SUPT3H: variants seen among roughly 807,000 people sequenced by gnomAD.
SUPT3H encodes SPT3 homolog, SAGA and STAGA complex component, also known as transcription initiation protein SPT3 homolog.
Under a neutral mutation model 44.3 loss-of-function variants are expected in SUPT3H, and 44 were observed. The observed-to-expected ratio is 0.99, with a 90% CI of 0.78 to 1.28. The LOEUF is 1.28. Ranked by LOEUF, SUPT3H falls within the 50% of genes most tolerant of loss-of-function variation. The pLI is 0.00. For synonymous variants in SUPT3H, 124 were observed against 125.6 expected, an observed-to-expected ratio of 0.99 and a Z score of 0.09; for missense variants, 380 against 387.1, an observed-to-expected ratio of 0.98 and a Z score of 0.15.
At chr6:44,888,700 T>C (rs1762757717) in intron 10 of SUPT3H, among the ~76,000 whole-genome samples, 2 of 151,886 alleles carry the variant, frequency 1.3e-5, no homozygotes, top group South Asian at 4.2e-4. Context: ...CTTTGAAAAC[T>C]GGCACAAGAC....
intron 10 of SUPT3H, among the ~76,000 whole-genome samples, chr6:44,886,924 T>G (rs1762394487): frequency 1.3e-5 from 2 of 152,082 alleles, no homozygotes; most frequent in Admixed American, 6.5e-5. Context: ...TGGAGGAAGA[T>G]CTACCAAGCT....
At chr6:44,876,381 T>C (rs1266460735) in intron 10 of SUPT3H, among the ~76,000 whole-genome samples, 2 of 92,244 alleles carry the variant, frequency 2.2e-5, no homozygotes, top group African/African-American at 4.1e-5. Flanking sequence ...GAAACCATCA[T>C]TCTCAGTAAA....
chr6:45,105,273 C>T (rs774098070), intron 3 of SUPT3H, among the ~76,000 whole-genome samples: 2 of 151,932 alleles, frequency 1.3e-5, no homozygotes, highest in African/African-American at 2.4e-5. Flanking sequence ...TATGAATGAG[C>T]TAAATGTAAA....
At chr6:45,173,541 T>C (rs968834824) in intron 2 of SUPT3H, among the ~76,000 whole-genome samples, 3 of 152,344 alleles carry the variant, frequency 2.0e-5, no homozygotes, top group Admixed American at 1.3e-4. Context: ...CTGATCTCTT[T>C]TTCCTAAGAA....
At chr6:45,324,189 G>C (rs1334494015) in intron 2 of SUPT3H, among the ~76,000 whole-genome samples, 1 of 151,812 alleles carries the variant, frequency 6.6e-6, no homozygotes, top group Non-Finnish European at 1.5e-5. Context: ...TACTTATACA[G>C]CTACATTAAA....
chr6:44,882,731 T>G (rs1021026290), intron 10 of SUPT3H, among the ~76,000 whole-genome samples: 1 of 152,108 alleles, frequency 6.6e-6, no homozygotes, highest in African/African-American at 2.4e-5. Context: ...CTGATTCAAC[T>G]TATGCAAATC....
chr6:44,913,317 G>C (rs1436031700), intron 10 of SUPT3H, among the ~76,000 whole-genome samples: 1 of 152,086 alleles, frequency 6.6e-6, no homozygotes, highest in Non-Finnish European at 1.5e-5. Flanking sequence ...TTTATCATTG[G>C]CTTTTATTTG....
chr6:44,851,591 TGTC>T (rs756995470), intron 10 of SUPT3H, among the ~76,000 whole-genome samples: 96 of 152,334 alleles, frequency 6.3e-4, no homozygotes, highest in Non-Finnish European at 9.9e-4. Context: ...TGGAGAAACT[TGTC>T]AAAATGATCC....
intron 2 of SUPT3H, among the ~76,000 whole-genome samples, chr6:45,209,416 T>G (rs912467146): frequency 2.0e-5 from 3 of 151,698 alleles, no homozygotes; most frequent in Admixed American, 2.0e-4. Context: ...TCAATAGGAG[T>G]TTGGAAGAAG....
chr6:45,268,170 T>C (rs932417210), intron 2 of SUPT3H, among the ~76,000 whole-genome samples: 1 of 152,188 alleles, frequency 6.6e-6, no homozygotes, highest in African/African-American at 2.4e-5. Context: ...GGAATACATA[T>C]ATGCAATCAT....
At chr6:45,357,276 G>A (rs940099703) in intron 2 of SUPT3H, among the ~76,000 whole-genome samples, 1 of 151,914 alleles carries the variant, frequency 6.6e-6, no homozygotes, top group Non-Finnish European at 1.5e-5. Flanking sequence ...CAAAGTGCTG[G>A]GATTATAGGC....
At chr6:44,926,749 A>C (rs1376661000) in intron 10 of SUPT3H, among the ~76,000 whole-genome samples, 1 of 152,194 alleles carries the variant, frequency 6.6e-6, no homozygotes, top group Non-Finnish European at 1.5e-5. Context: ...TAAGGTCGTC[A>C]TGAGGCCTGT....
In SUPT3H at chr6:44,961,768, G is replaced by T. The variant is rs781512633; in HGVS notation, c.565C>A (p.Arg189=). 1.2e-6 allele frequency: 2 copies of T among 1,606,166 alleles called. No homozygotes were observed. Among genetic ancestry groups the T allele is most frequent in the African/African-American group, 2.7e-5 (2 of 74,544 alleles). Residue 189 remains arginine (R), a synonymous_variant, in exon 7 of 11, where the codon CGA becomes AGA. Transcript: ENST00000371459. ...SAQYAEFCES[R]QLSFSKKASK... ...AGTTACTTACAGAAACTTAATTGTCGACTTTCACAGAATTCTGCATATTGA... is the reference window on the plus strand; with the variant it reads ...AGTTACTTACAGAAACTTAATTGTCTACTTTCACAGAATTCTGCATATTGA...
At chr6:45,159,830 T>C (rs1320538226) in intron 2 of SUPT3H, among the ~76,000 whole-genome samples, 1 of 152,188 alleles carries the variant, frequency 6.6e-6, no homozygotes, top group African/African-American at 2.4e-5. Context: ...AGTTCAGTTA[T>C]GTCAGGAATT....
At chr6:44,939,890 C>T (rs1177890687) in intron 9 of SUPT3H, among the ~76,000 whole-genome samples, 1 of 57,316 alleles carries the variant, frequency 1.7e-5, no homozygotes, top group Non-Finnish European at 3.2e-5. Flanking sequence ...TTTGTGGTAT[C>T]AGTTGTAATA....
At chr6:45,086,943 TA>T (rs1796545686) in intron 3 of SUPT3H, among the ~76,000 whole-genome samples, 2 of 151,908 alleles carry the variant, frequency 1.3e-5, no homozygotes, top group Admixed American at 6.6e-5. Context: ...TGTATAACAA[TA>T]AAATCAAAAG....
At chr6:45,324,092 T>C (rs1394425734) in intron 2 of SUPT3H, among the ~76,000 whole-genome samples, 1 of 152,030 alleles carries the variant, frequency 6.6e-6, no homozygotes, top group Non-Finnish European at 1.5e-5. Context: ...TTTCCCATAT[T>C]TTCTGCAAGT....
intron 3 of SUPT3H, among the ~76,000 whole-genome samples, chr6:45,064,858 A>G (rs1463044678): frequency 6.8e-6 from 1 of 147,036 alleles, no homozygotes; most frequent in Non-Finnish European, 1.5e-5. Context: ...CACATTAATA[A>G]TGGGAGACTT....
rs1260447617 is a variant in SUPT3H at position 45,028,879 on chromosome 6, G to A, written c.187-8247C>T. Among the ~76,000 whole-genome samples, 30 of 100,428 alleles carry A rather than the reference G, an allele frequency of 3.0e-4. 1 individual carries two copies. The highest frequency in any genetic ancestry group is 1.8e-5 in the Non-Finnish European group (1 of 54,122). 65.9% of individuals were successfully genotyped at this position (100,428 alleles called of 152,430 possible). On this transcript the variant is annotated intron_variant, in intron 3 of 10. Transcript: ENST00000371459. ...TGCCTTTCAAAACATTTTCTTTCTT[G>A]GTGAATAAACAGTTGCCAAAAAAAA...
Sources: gnomAD v4.1 joint callset for allele counts (sites outside exome capture counted in the v4.1 genomes callset) on GRCh38, gnomAD v4.1.1 for gene constraint, MANE v1.5 for transcripts, NCBI Gene and HGNC (gene_info 2026-07-23, HGNC 2026-07-21) for gene names.